The following ZNF148 variants were observed in gnomAD, a reference collection of about 807,000 sequenced individuals.
The protein encoded by ZNF148 is zinc finger protein 148, also known as Beta-Enolase Repressor Factor-1.
In ZNF148, 7 loss-of-function variants were observed where a neutral mutation model predicts 67.7. The observed-to-expected ratio is 0.10, with a 90% CI of 0.06 to 0.19. The LOEUF (loss-of-function observed/expected upper bound fraction) is 0.19. Ranked by LOEUF, ZNF148 falls within the 10% of genes least tolerant of loss-of-function variation. The probability of loss-of-function intolerance (pLI) is 1.00; values close to 1 mark genes in which losing one functional copy is unlikely to be tolerated. For synonymous variants in ZNF148, 333 were observed against 330.7 expected (o/e 1.01, Z -0.08); for missense variants, 583 against 947.1 (o/e 0.62, Z 5.05).
chr3:125,328,998 G>GATATAT (rs10565589), intron 2 of ZNF148, among the ~76,000 whole-genome samples: 173 of 147,472 alleles, frequency 1.2e-3, no homozygotes, highest in East Asian at 0.011. Flanking sequence ...TTATACTACT[G>GATATAT]ATATATATAT....
At chr3:125,324,809 T>C (rs933983597) in intron 2 of ZNF148, among the ~76,000 whole-genome samples, 8 of 152,232 alleles carry the variant, frequency 5.3e-5, no homozygotes, top group Admixed American at 1.3e-4. Context: ...TTAAAAAACA[T>C]TTCAACAGTT....
At chr3:125,319,798 G>A (rs1442422921) in intron 3 of ZNF148, among the ~76,000 whole-genome samples, 3 of 152,142 alleles carry the variant, frequency 2.0e-5, no homozygotes, top group Admixed American at 2.0e-4. Context: ...GAAGTAAACT[G>A]GGATTTCAAA....
intron 4 of ZNF148, among the ~76,000 whole-genome samples, chr3:125,310,216 A>AT (rs745599700): frequency 6.6e-6 from 1 of 151,576 alleles, no homozygotes; most frequent in Non-Finnish European, 1.5e-5. Context: ...CATAGCTGGG[A>AT]TTACAGGTGC....
intron 7 of ZNF148, among the ~76,000 whole-genome samples, chr3:125,249,813 G>T (rs932999629): frequency 6.6e-5 from 10 of 152,004 alleles, no homozygotes; most frequent in Admixed American, 1.3e-4. Context: ...AAATGTGGGG[G>T]GTGTGTGTGT....
intron 7 of ZNF148, among the ~76,000 whole-genome samples, chr3:125,243,914 T>C (rs1213915350): frequency 1.3e-5 from 2 of 152,212 alleles, no homozygotes; most frequent in Admixed American, 6.5e-5. Context: ...AATTCCCTTA[T>C]TGAGAAAATC....
intron 4 of ZNF148, among the ~76,000 whole-genome samples, chr3:125,310,256 T>C (rs1265877223): frequency 6.6e-6 from 1 of 152,082 alleles, no homozygotes; most frequent in East Asian, 1.9e-4. Context: ...ATTTTTGTAT[T>C]TTTAGTAGAG....
At chr3:125,305,281 G>A (rs1370533192) in intron 4 of ZNF148, among the ~76,000 whole-genome samples, 2 of 151,922 alleles carry the variant, frequency 1.3e-5, no homozygotes, top group Non-Finnish European at 2.9e-5. Context: ...ATATCCTAAG[G>A]AGGAAAAAAA....
intron 3 of ZNF148, among the ~76,000 whole-genome samples, chr3:125,321,720 G>GT (rs1940779463): frequency 6.6e-6 from 1 of 152,058 alleles, no homozygotes; most frequent in South Asian, 2.1e-4. Context: ...CTGACATTCT[G>GT]TTGGATCTAG....
intron 5 of ZNF148, among the ~76,000 whole-genome samples, chr3:125,285,293 G>A (rs1938600729): frequency 1.3e-5 from 2 of 152,080 alleles, no homozygotes; most frequent in African/African-American, 4.8e-5. Context: ...ACAAACATGG[G>A]TAAGTTTCTC....
At chr3:125,370,927 A>T (rs1942857967) in intron 1 of ZNF148, among the ~76,000 whole-genome samples, 1 of 152,044 alleles carries the variant, frequency 6.6e-6, no homozygotes, top group Admixed American at 6.6e-5. Context: ...GCCTCCTCAA[A>T]ATGTATCACC....
chr3:125,240,622 G>GGGTGT (rs1936307058), intron 7 of ZNF148, among the ~76,000 whole-genome samples: 1 of 151,884 alleles, frequency 6.6e-6, no homozygotes, highest in Non-Finnish European at 1.5e-5. Flanking sequence ...AAAATTAGCA[G>GGGTGT]GGTGTGGTGG....
rs529007210 is a variant in ZNF148 at position 125,232,825 on chromosome 3, T to C, written c.1901A>G (p.Asn634Ser). The part of the protein sequence containing the change: ...NSPSLNFVTD[N>S]QTLPNQPAFS... ...TGCTGGCTGATTTGGGAGGGTCTGG[T>C]TATCAGTCACAAAGTTAAGGCTCGG... The change falls in exon 9 of 9, where the codon AAC becomes AGC. Residue 634 changes from asparagine (N) to serine (S), a missense_variant. This residue lies in a region of ZNF148 where 158 missense variants were observed against 208.4 expected (regional missense o/e 0.76). Transcript: ENST00000360647. This position sits in a 1 kb window ranked among gnomAD's most constrained non-coding sequence, Gnocchi z 4.2. 1 of 1,613,842 alleles carries C rather than the reference T, an allele frequency of 6.2e-7. No individual in the cohort carries two copies. Among genetic ancestry groups the C allele is most frequent in the East Asian group, 2.2e-5 (1 of 44,870 alleles).
chr3:125,232,291 T>C lies in ZNF148; in HGVS notation c.*50A>G. The C allele has an allele frequency of 6.5e-7, 1 of 1,536,580 alleles. No homozygotes were observed. ...CATTTACACAGAGTAACCCCACTCT[T>C]GATTAATCTGTTCTAAAGTGCCAGT... On this transcript the variant is annotated 3_prime_UTR_variant, in exon 9 of 9. Transcript: ENST00000360647. This position sits in a 1 kb window ranked among gnomAD's most constrained non-coding sequence, Gnocchi z 4.2.
intron 4 of ZNF148, among the ~76,000 whole-genome samples, chr3:125,291,516 C>A (rs898207657): frequency 2.6e-5 from 4 of 152,098 alleles, no homozygotes; most frequent in South Asian, 2.1e-4. Context: ...ATCTTCCAAC[C>A]CAGTAGAGTA....
intron 7 of ZNF148, among the ~76,000 whole-genome samples, chr3:125,238,311 G>A (rs1018067705): frequency 1.3e-5 from 2 of 152,058 alleles, no homozygotes; most frequent in Non-Finnish European, 2.9e-5. Context: ...AAACTTTCAT[G>A]CTTCAAAGGA....
chr3:125,316,638 A>G (rs940336224), intron 3 of ZNF148, among the ~76,000 whole-genome samples: 1 of 152,160 alleles, frequency 6.6e-6, no homozygotes, highest in African/African-American at 2.4e-5. Context: ...TGCCATTTAT[A>G]TCTCTTCTTT....
intron 1 of ZNF148, among the ~76,000 whole-genome samples, chr3:125,335,189 A>G (rs1483966689): frequency 6.6e-6 from 1 of 152,130 alleles, no homozygotes. Flanking sequence ...AAGAGAAGAA[A>G]TTTTTGTCTG....
At chr3:125,244,292 A>C (rs1376840258) in intron 7 of ZNF148, among the ~76,000 whole-genome samples, 2 of 152,190 alleles carry the variant, frequency 1.3e-5, no homozygotes, top group Non-Finnish European at 2.9e-5. Flanking sequence ...GGTAAACTAT[A>C]TATGAGAGAG....
intron 1 of ZNF148, among the ~76,000 whole-genome samples, chr3:125,338,237 A>G (rs1384773336): frequency 2.0e-5 from 3 of 152,218 alleles, no homozygotes; most frequent in African/African-American, 7.2e-5. Flanking sequence ...TCTAGGAGTC[A>G]GAAAAAAAGT....
Sources: gnomAD v4.1 joint callset for allele counts (sites outside exome capture counted in the v4.1 genomes callset) on GRCh38, gnomAD v4.1.1 for gene constraint, gnomAD v4.1.1 regional missense constraint, Gnocchi (gnomAD v3.1) non-coding constraint, MANE v1.5 for transcripts, NCBI Gene and HGNC (gene_info 2026-07-23, HGNC 2026-07-21) for gene names.